Variants in ANO3 observed in about 807,000 individuals in gnomAD.
ANO3 encodes the protein anoctamin-3.
A neutral mutation model predicts 144.8 loss-of-function variants in ANO3; 99 were observed. The ratio of observed to expected loss-of-function variants is 0.68; its 90% CI spans 0.58 to 0.81. ANO3 has a LOEUF of 0.81. Ranked by LOEUF, ANO3 falls within the 30% of genes least tolerant of loss-of-function variation. The probability of loss-of-function intolerance (pLI) is 0.00; values close to 1 mark genes in which losing one functional copy is unlikely to be tolerated. For missense variants in ANO3, 905 were observed against 1,202.2 expected, an observed-to-expected ratio of 0.75 and a Z score of 3.66; for synonymous variants, 414 against 392.6, an observed-to-expected ratio of 1.05 and a Z score of -0.64.
At chr11:26,584,408 C>A (rs1028397778) in intron 14 of ANO3, among the ~76,000 whole-genome samples, 1 of 152,154 alleles carries the variant, frequency 6.6e-6, no homozygotes, top group African/African-American at 2.4e-5. Flanking sequence ...ATCCGCCCAC[C>A]TCACCCTCCC....
intron 3 of ANO3, among the ~76,000 whole-genome samples, chr11:26,457,247 A>T (rs1238274773): frequency 5.6e-5 from 1 of 17,952 alleles, no homozygotes; most frequent in Non-Finnish European, 2.0e-4. Context: ...ATAAAAAAAA[A>T]ACCTGCACGT....
At chr11:26,300,855 C>CTTTTTTTTTTTTTTTTTTTTTTTTT (rs376885670) in intron 1 of ANO3, among the ~76,000 whole-genome samples, 6 of 129,070 alleles carry the variant, frequency 4.6e-5, no homozygotes, top group African/African-American at 1.2e-4. Flanking sequence ...TCTTTTTTTT[C>CTTTTTTTTTTTTTTTTTTTTTTTTT]TTTTTTTTTT....
chr11:26,359,608 C>T (rs1433678899), intron 1 of ANO3, among the ~76,000 whole-genome samples: 1 of 151,902 alleles, frequency 6.6e-6, no homozygotes, highest in African/African-American at 2.4e-5. Flanking sequence ...CACTGTGCAC[C>T]TTGGTCTCCT....
chr11:26,249,390 G>T (rs1316776658), intron 1 of ANO3, among the ~76,000 whole-genome samples: 1 of 152,122 alleles, frequency 6.6e-6, no homozygotes, highest in East Asian at 1.9e-4. Flanking sequence ...ACATTGAAAG[G>T]GATAGAGTGA....
chr11:26,509,639 T>TA (rs1241248229), intron 5 of ANO3, among the ~76,000 whole-genome samples: 9 of 151,914 alleles, frequency 5.9e-5, no homozygotes, highest in African/African-American at 1.9e-4. Flanking sequence ...ACTAGTTTTG[T>TA]AAAAAATAGG....
intron 1 of ANO3, among the ~76,000 whole-genome samples, chr11:26,344,492 A>AG (rs1855450379): frequency 6.6e-6 from 1 of 151,044 alleles, no homozygotes; most frequent in Non-Finnish European, 1.5e-5. Flanking sequence ...CAGCCTCCCG[A>AG]GTAGCTGGGA....
chr11:26,528,093 A>T (rs187313952), intron 7 of ANO3, among the ~76,000 whole-genome samples: 117 of 152,306 alleles, frequency 7.7e-4, no homozygotes, highest in African/African-American at 2.7e-3. Context: ...CGTCCAACAC[A>T]ATAAAGGTTT....
intron 12 of ANO3, among the ~76,000 whole-genome samples, chr11:26,552,348 A>G (rs1849956307): frequency 6.6e-6 from 1 of 152,082 alleles, no homozygotes. Flanking sequence ...GTGTAAAAAC[A>G]ACAAATCTTG....
intron 4 of ANO3, among the ~76,000 whole-genome samples, chr11:26,474,560 C>G (rs1367498638): frequency 1.3e-5 from 2 of 151,792 alleles, no homozygotes; most frequent in African/African-American, 4.8e-5. Flanking sequence ...GAGCATATCT[C>G]ATAGTGTTAA....
chr11:26,383,152 G>A (rs1305076743), intron 1 of ANO3, among the ~76,000 whole-genome samples: 1 of 152,020 alleles, frequency 6.6e-6, no homozygotes, highest in Non-Finnish European at 1.5e-5. Flanking sequence ...ATCAAATGAG[G>A]TAGGAATTTT....
At chr11:26,389,262 C>T (rs915117264) in intron 1 of ANO3, among the ~76,000 whole-genome samples, 1 of 151,912 alleles carries the variant, frequency 6.6e-6, no homozygotes, top group Non-Finnish European at 1.5e-5. Flanking sequence ...TGAGAGTGTC[C>T]GGGGTCAAAT....
intron 2 of ANO3, 105 bp from the exon 3 acceptor site, chr11:26,443,660 A>G: frequency 1.8e-6 from 1 of 561,292 alleles, no homozygotes; most frequent in Non-Finnish European, 3.1e-6. Flanking sequence ...TAAGTTAAGA[A>G]ATTTCATCAT....
At chr11:26,599,755 G>A (rs1851739048) in intron 17 of ANO3, 41 bp downstream of exon 17, 1 of 1,563,408 alleles carries the variant, frequency 6.4e-7, no homozygotes, top group South Asian at 1.2e-5. Flanking sequence ...ACAAAAAAGG[G>A]GTGGAAAGGG....
intron 5 of ANO3, among the ~76,000 whole-genome samples, chr11:26,516,038 T>G (rs1195361424): frequency 6.6e-6 from 1 of 151,928 alleles, no homozygotes; most frequent in Non-Finnish European, 1.5e-5. Context: ...TTTAGACTAC[T>G]GAACAAAAGC....
At chr11:26,628,454 AT>A (rs1290180079) in intron 18 of ANO3, among the ~76,000 whole-genome samples, 1 of 152,230 alleles carries the variant, frequency 6.6e-6, no homozygotes, top group Admixed American at 6.5e-5. Flanking sequence ...TTGGCCAGAA[AT>A]ACATTACCCT....
chr11:26,428,262 C>G (rs867342998), intron 1 of ANO3, among the ~76,000 whole-genome samples: 1 of 151,986 alleles, frequency 6.6e-6, no homozygotes. Flanking sequence ...TTAACACTTC[C>G]CAAAAATTAA....
At chr11:26,542,506 A>G (rs78712392) in intron 11 of ANO3, among the ~76,000 whole-genome samples, 3,573 of 152,148 alleles carry the variant, frequency 0.023, 87 homozygotes, top group Admixed American at 0.077. Flanking sequence ...TCCTGGCTCA[A>G]CTTAACCAGA....
chr11:26,254,832 T>C (rs978732709), intron 1 of ANO3, among the ~76,000 whole-genome samples: 1 of 152,168 alleles, frequency 6.6e-6, no homozygotes, highest in African/African-American at 2.4e-5. Flanking sequence ...TTAGAAGAGG[T>C]TATCATATTC....
chr11:26,502,647 T>C (rs535659808), intron 4 of ANO3, among the ~76,000 whole-genome samples: 1 of 152,244 alleles, frequency 6.6e-6, no homozygotes, highest in Admixed American at 6.5e-5. Context: ...CTGGATACAC[T>C]CTGACATTCT....
Sources: gnomAD v4.1 joint callset for allele counts (sites outside exome capture counted in the v4.1 genomes callset) on GRCh38, gnomAD v4.1.1 for gene constraint, MANE v1.5 for transcripts, NCBI Gene and HGNC (gene_info 2026-07-23, HGNC 2026-07-21) for gene names.